CDK12: variants seen among roughly 807,000 people sequenced by gnomAD.
CDK12 encodes the protein cyclin dependent kinase 12, also known as cyclin-dependent kinase 12.
Under a neutral mutation model 133.8 loss-of-function variants are expected in CDK12, and 17 were observed. The ratio of observed to expected loss-of-function variants is 0.13; its 90% confidence interval spans 0.09 to 0.19. CDK12 has a LOEUF of 0.19. Among genes scored for constraint, CDK12 ranks in the 10% least tolerant of loss-of-function variants. The pLI, the probability that CDK12 is intolerant of heterozygous loss-of-function variation, is 1.00. For missense variants in CDK12, 1,508 were observed against 1,818.7 expected, an observed-to-expected ratio of 0.83 and a Z score of 3.11; for synonymous variants, 694 against 683.6, an observed-to-expected ratio of 1.02 and a Z score of -0.24.
chr17:39,462,023 T>A lies in CDK12; in HGVS notation c.-49T>A. 1 of 1,520,636 alleles carries A rather than the reference T, an allele frequency of 6.6e-7. No homozygotes were observed. Among genetic ancestry groups the A allele is most frequent in the Non-Finnish European group, 9.0e-7 (1 of 1,113,162 alleles). 94.2% of individuals were successfully genotyped at this position (1,520,636 alleles called of 1,614,324 possible). A position where few individuals can be genotyped will look rare whatever the true frequency, so the allele number is the denominator to read the frequency against. On this transcript the variant is annotated 5_prime_UTR_variant, in exon 1 of 14. It adds an upstream start codon to the 5' untranslated region. Coordinates refer to ENST00000447079, the MANE Select transcript of CDK12 (RefSeq NM_016507.4). ...TGGGGGGGTGGGTGGGGGTTGCTTT[T>A]TGGAGTGCTGGGGAACTTTTTTCCC... is the stretch of plus-strand genomic sequence containing the variant.
chr17:39,526,202 C>G lies in CDK12; in HGVS notation c.3646C>G (p.Gln1216Glu). The change falls in exon 13 of 14, where the codon CAG becomes GAG. Residue 1216 changes from glutamine to glutamate, a missense_variant. Gln to Glu is a conservative substitution (Grantham distance 29). Transcript: ENST00000447079. ...GAATATATTGGCAGTTCTCTTGAGT[C>G]AGCTGATGAAAACCCAAGAGCCAGC... ...MQNILAVLLS[Q>E]LMKTQEPAGS... 1 of 1,614,048 alleles carries G rather than the reference C, an allele frequency of 6.2e-7. No individual in the cohort carries two copies.
chr17:39,469,205 T>A (rs184547738), intron 1 of CDK12, among the ~76,000 whole-genome samples: 131 of 152,290 alleles, frequency 8.6e-4, no homozygotes, highest in African/African-American at 2.9e-3. Flanking sequence ...ATTAATGACA[T>A]TTGGGTTTCA....
chr17:39,525,840 A>G, intron 12 of CDK12, 24 bp from the exon 13 acceptor site: 7 of 1,597,118 alleles, frequency 4.4e-6, no homozygotes, highest in South Asian at 1.1e-5. Flanking sequence ...ATCGTCTTAT[A>G]TTGGCTTCAC....
At chr17:39,482,945 C>T (rs1364889822) in intron 2 of CDK12, among the ~76,000 whole-genome samples, 2 of 148,618 alleles carry the variant, frequency 1.3e-5, no homozygotes, top group African/African-American at 5.0e-5. Flanking sequence ...CGGAGTCTCA[C>T]TCTGTCCTCT....
chr17:39,472,785 C>A (rs551471639), intron 2 of CDK12, among the ~76,000 whole-genome samples: 2 of 151,236 alleles, frequency 1.3e-5, no homozygotes, highest in Non-Finnish European at 1.5e-5. Flanking sequence ...ATATAAATAA[C>A]ATGCTATCGG....
intron 12 of CDK12, among the ~76,000 whole-genome samples, chr17:39,525,572 A>C (rs1005812458): frequency 1.3e-5 from 2 of 152,218 alleles, no homozygotes; most frequent in South Asian, 2.1e-4. Flanking sequence ...CTCTCTTAGT[A>C]ATTCTGATGT....
chr17:39,495,727 G>A lies in CDK12; in HGVS notation c.2419+1033G>A, dbSNP rs144729408. On this transcript the variant is annotated intron_variant, in intron 5 of 13. Coordinates refer to ENST00000447079, the MANE Select transcript of CDK12 (RefSeq NM_016507.4). ...GGAGAATGGTGTGAACCTGGGAGGC[G>A]GAGCTTGCGGTGAGCCAAGATCGTG... Among the ~76,000 whole-genome samples the A allele has an allele frequency of 9.2e-3, 1,390 of 150,644 alleles. 28 individuals are homozygous for A. The highest frequency in any genetic ancestry group is 0.032 in the African/African-American group (1,311 of 41,056).
intron 6 of CDK12, among the ~76,000 whole-genome samples, chr17:39,506,023 T>G (rs2053096500): frequency 6.6e-6 from 1 of 152,092 alleles, no homozygotes; most frequent in Admixed American, 6.6e-5. Context: ...GGTCATTTAC[T>G]AAGTAAGTGT....
rs879840168 is a variant in CDK12, at chr17:39,476,711, C to CTTTTTTTTTT, written c.1931+4968_1931+4977dup. On this transcript the variant is annotated intron_variant, in intron 2 of 13. Coordinates refer to ENST00000447079, the MANE Select transcript of CDK12 (RefSeq NM_016507.4). ...TACAGGCATGAGCCACCATGCCTGC[C>CTTTTTTTTTT]TTTTTTTTTTTTTTTTTTTTTTTTT... Among the ~76,000 whole-genome samples, 586 of 83,982 alleles carry CTTTTTTTTTT rather than the reference C, an allele frequency of 7.0e-3. 30 individuals carry two copies. The highest frequency in any genetic ancestry group is 0.012 in the African/African-American group (209 of 17,514). 55.1% of individuals were successfully genotyped at this position (83,982 alleles called of 152,430 possible).
chr17:39,501,831 A>C (rs1378265164), intron 6 of CDK12, among the ~76,000 whole-genome samples: 1 of 149,710 alleles, frequency 6.7e-6, no homozygotes, highest in Non-Finnish European at 1.5e-5. Flanking sequence ...TATTATGCAC[A>C]CTAGGTTTTT....
chr17:39,494,285 C>T (rs550700386), intron 4 of CDK12, among the ~76,000 whole-genome samples: 1 of 152,092 alleles, frequency 6.6e-6, no homozygotes. Context: ...GTTGGCTAGG[C>T]TGGTCTCGAA....
At chr17:39,480,205 G>A (rs1211468312) in intron 2 of CDK12, among the ~76,000 whole-genome samples, 2 of 150,816 alleles carry the variant, frequency 1.3e-5, no homozygotes, top group African/African-American at 4.9e-5. Flanking sequence ...ATATAGGCGC[G>A]AGCCACCGTG....
Position 39,471,760 on chromosome 17 carries a change from A to G in CDK12, c.1928A>G (p.Asp643Gly). 1 of 1,610,228 alleles carries G rather than the reference A, an allele frequency of 6.2e-7. No individual in the cohort carries two copies. ...PPLLPGDDDM[D>G]SPKETLPSKP... Reference sequence around the variant, plus strand: ...TTATTACCTGGAGATGATGACATGGATAGGTAAGTCCTATAGTGAACTGGA... The same window carrying G: ...TTATTACCTGGAGATGATGACATGGGTAGGTAAGTCCTATAGTGAACTGGA... Residue 643 changes from aspartate to glycine, a missense_variant, in exon 2 of 14, where the codon GAT (aspartate) becomes GGT (glycine). Asp to Gly is a moderately conservative substitution (Grantham distance 94, BLOSUM62 -1). This residue lies in a region of CDK12 where 347 missense variants were observed against 330.8 expected (regional missense o/e 1.05). Coordinates refer to ENST00000447079, the MANE Select transcript of CDK12 (RefSeq NM_016507.4).
At position 39,494,589 on chromosome 17, in the gene CDK12, A is replaced by G. The variant is rs1364968160; in HGVS notation, c.2314A>G (p.Ile772Val). 6.2e-7 allele frequency: 1 copy of G among 1,613,802 alleles called. No homozygotes were observed. Among genetic ancestry groups the G allele is most frequent in the Non-Finnish European group, 8.5e-7 (1 of 1,179,836 alleles). ...GAAAGAGGGCTTCCCAATCACAGCC[A>G]TTCGTGAAATCAAAATCCTTCGTCA... Reference protein sequence around the residue: ...NEKEGFPITAIREIKILRQLI... With the variant: ...NEKEGFPITAVREIKILRQLI... Residue 772 changes from isoleucine to valine, a missense_variant, in exon 5 of 14, where the codon ATT (isoleucine) becomes GTT (valine). Ile to Val is a conservative substitution (Grantham distance 29, BLOSUM62 3). Coordinates refer to ENST00000447079, the MANE Select transcript of CDK12 (RefSeq NM_016507.4).
chr17:39,494,698 C>T lies in CDK12; in HGVS notation c.2419+4C>T. On this transcript the variant is annotated splice_donor_region_variant and intron_variant, in intron 5 of 13. Transcript: ENST00000447079. ...CTGGATTTCAAGAAGGACAAAGGTA[C>T]TAGCAAAGAATCACATTTTTACAGG... 6.4e-7 allele frequency: 1 copy of T among 1,554,772 alleles called. No homozygotes were observed. The highest frequency in any genetic ancestry group is 8.7e-7 in the Non-Finnish European group (1 of 1,147,554).
intron 6 of CDK12, among the ~76,000 whole-genome samples, chr17:39,503,540 C>T (rs1399751296): frequency 6.6e-6 from 1 of 151,688 alleles, no homozygotes; most frequent in Non-Finnish European, 1.5e-5. Flanking sequence ...CTTTACTCCT[C>T]CATGAGGAGA....
chr17:39,557,619 T>C (rs2056208679), intron 3 of CDK12, among the ~76,000 whole-genome samples: 1 of 152,224 alleles, frequency 6.6e-6, no homozygotes, highest in Admixed American at 6.5e-5. Flanking sequence ...ACTCATGGGA[T>C]GAAAGACTTC....
intron 1 of CDK12, among the ~76,000 whole-genome samples, chr17:39,467,178 C>T (rs527644844): frequency 2.0e-5 from 3 of 152,060 alleles, no homozygotes; most frequent in South Asian, 4.2e-4. Flanking sequence ...GGGGTTTCAC[C>T]ATGTTGGCCA....
intron 8 of CDK12, among the ~76,000 whole-genome samples, chr17:39,513,352 A>G (rs2146415103): frequency 2.0e-5 from 3 of 152,314 alleles, no homozygotes; most frequent in Middle Eastern, 6.8e-3. Flanking sequence ...TAAGAGGAGC[A>G]CTACAGGGGT....
Sources: gnomAD v4.1 joint callset for allele counts (sites outside exome capture counted in the v4.1 genomes callset) on GRCh38, gnomAD v4.1.1 for gene constraint, gnomAD v4.1.1 regional missense constraint, MANE v1.5 for transcripts, NCBI Gene and HGNC (gene_info 2026-07-23, HGNC 2026-07-21) for gene names.